The following RBFOX1 variants were observed in gnomAD, a reference collection of about 807,000 sequenced individuals.
RBFOX1 encodes the protein RNA binding fox-1 homolog 1.
Under a neutral mutation model 57.7 loss-of-function variants are expected in RBFOX1, and 8 were observed. The ratio of observed to expected loss-of-function variants is 0.14; its 90% CI spans 0.08 to 0.25. RBFOX1 has a LOEUF of 0.25. Ranked by LOEUF, RBFOX1 falls within the 10% of genes least tolerant of loss-of-function variation. RBFOX1 has a pLI of 1.00. For synonymous variants in RBFOX1, 326 were observed against 222.4 expected (o/e 1.47, Z -4.15); for missense variants, 611 against 548.5 (o/e 1.11, Z -1.14).
intron 4 of RBFOX1, among the ~76,000 whole-genome samples, chr16:7,253,810 T>A (rs2094575284): frequency 6.6e-6 from 1 of 152,166 alleles, no homozygotes; most frequent in Admixed American, 6.5e-5. Flanking sequence ...ATCTTTTCCT[T>A]GTGTCTCCAA....
chr16:6,320,331 G>A (rs1459547067), intron 2 of RBFOX1, among the ~76,000 whole-genome samples: 1 of 151,986 alleles, frequency 6.6e-6, no homozygotes, highest in African/African-American at 2.4e-5. Context: ...TCAGGCTTCA[G>A]CATTTCCTGA....
intron 2 of RBFOX1, among the ~76,000 whole-genome samples, chr16:6,545,466 G>A (rs1310977481): frequency 6.6e-6 from 1 of 152,028 alleles, no homozygotes; most frequent in Non-Finnish European, 1.5e-5. Flanking sequence ...TTCTGTTGCA[G>A]CCTTGGAGAC....
chr16:6,471,587 A>C (rs2153080856), intron 2 of RBFOX1, among the ~76,000 whole-genome samples: 1 of 152,186 alleles, frequency 6.6e-6, no homozygotes, highest in South Asian at 2.1e-4. Flanking sequence ...TGGAAAAAAA[A>C]AAAAAAAACC....
chr16:6,478,419 A>C (rs1309999761), intron 2 of RBFOX1, among the ~76,000 whole-genome samples: 5 of 13,804 alleles, frequency 3.6e-4, no homozygotes, highest in Non-Finnish European at 6.7e-4. Flanking sequence ...ATATATATAT[A>C]TATATATATA....
chr16:6,565,804 T>C (rs2345086), intron 2 of RBFOX1, among the ~76,000 whole-genome samples: 91,252 of 152,100 alleles, frequency 0.6, 27,529 homozygotes, highest in South Asian at 0.73. Flanking sequence ...GCTCACCTGA[T>C]GAAAAAAAGA....
intron 3 of RBFOX1, among the ~76,000 whole-genome samples, chr16:5,856,270 TATACACATATATATACACACAC>T (rs2057051266): frequency 8.0e-5 from 3 of 37,646 alleles, no homozygotes; most frequent in Non-Finnish European, 1.6e-4. Context: ...TGTATATATA[TATACACATATATATACACACAC>T]ACACACACAC....
intron 3 of RBFOX1, among the ~76,000 whole-genome samples, chr16:6,947,352 C>G (rs62017751): frequency 0.16 from 23,633 of 152,156 alleles, 2,187 homozygotes; most frequent in Non-Finnish European, 0.2. Context: ...TATGAAGACA[C>G]CTGGGTGCCT....
At chr16:7,230,071 AGGGAGGGAGGGGAAGGAAAG>A (rs1280842398) in intron 4 of RBFOX1, among the ~76,000 whole-genome samples, 1 of 124,978 alleles carries the variant, frequency 8.0e-6, no homozygotes, top group East Asian at 2.7e-4. Flanking sequence ...AGAGGAAGGA[AGGGAGGGAGGGGAAGGAAAG>A]GGGAGGGAAA....
chr16:7,563,320 A>G (rs1244856994), intron 5 of RBFOX1, among the ~76,000 whole-genome samples: 1 of 152,176 alleles, frequency 6.6e-6, no homozygotes, highest in African/African-American at 2.4e-5. Flanking sequence ...TATTTTCTAG[A>G]TAAAGGTAAT....
At chr16:6,922,941 C>T (rs1597327793) in intron 3 of RBFOX1, among the ~76,000 whole-genome samples, 1 of 152,162 alleles carries the variant, frequency 6.6e-6, no homozygotes, top group East Asian at 1.9e-4. Flanking sequence ...TTGATAATGA[C>T]CAACCAGAAC....
chr16:6,036,531 TCTC>T (rs1312733753), intron 1 of RBFOX1, among the ~76,000 whole-genome samples: 2 of 152,184 alleles, frequency 1.3e-5, no homozygotes, highest in African/African-American at 4.8e-5. Flanking sequence ...TTTTAAGTCA[TCTC>T]CTGTTTCTGA....
intron 2 of RBFOX1, among the ~76,000 whole-genome samples, chr16:6,508,788 A>C (rs975551491): frequency 6.6e-6 from 1 of 152,152 alleles, no homozygotes; most frequent in Non-Finnish European, 1.5e-5. Flanking sequence ...TTAGAGAAGA[A>C]ATTTGCCATT....
intron 3 of RBFOX1, among the ~76,000 whole-genome samples, chr16:6,907,307 G>A (rs762844665): frequency 2.0e-5 from 3 of 152,138 alleles, no homozygotes; most frequent in Non-Finnish European, 4.4e-5. Context: ...GCCTCCTTCA[G>A]TATTCCCAGT....
At chr16:6,636,143 C>T (rs2098430289) in intron 2 of RBFOX1, among the ~76,000 whole-genome samples, 1 of 152,116 alleles carries the variant, frequency 6.6e-6, no homozygotes, top group Non-Finnish European at 1.5e-5. Flanking sequence ...AGCAGTCAGA[C>T]AGTTTTGGAT....
At chr16:7,505,351 G>A (rs12598763) in intron 4 of RBFOX1, among the ~76,000 whole-genome samples, 43 of 152,120 alleles carry the variant, frequency 2.8e-4, no homozygotes, top group African/African-American at 8.9e-4. Flanking sequence ...TTTGACAGAG[G>A]TTTTCAGTGG....
At chr16:5,318,015 G>A (rs12921443) in intron 1 of RBFOX1, among the ~76,000 whole-genome samples, 18,061 of 152,234 alleles carry the variant, frequency 0.12, 1,368 homozygotes, top group Non-Finnish European at 0.17. Flanking sequence ...GAATGCAGGT[G>A]CAGGAAGGGA....
At chr16:7,093,032 T>G (rs2061121194) in intron 4 of RBFOX1, among the ~76,000 whole-genome samples, 1 of 152,202 alleles carries the variant, frequency 6.6e-6, no homozygotes, top group Non-Finnish European at 1.5e-5. Flanking sequence ...GAGAGAAATT[T>G]TCGTTTTTTA....
intron 2 of RBFOX1, among the ~76,000 whole-genome samples, chr16:5,497,356 A>G (rs1268098793): frequency 1.3e-5 from 2 of 151,826 alleles, no homozygotes; most frequent in Non-Finnish European, 2.9e-5. Flanking sequence ...CTCAGCATTC[A>G]AGGCCTCACA....
At chr16:7,285,214 A>G (rs1468603324) in intron 4 of RBFOX1, among the ~76,000 whole-genome samples, 1 of 150,772 alleles carries the variant, frequency 6.6e-6, no homozygotes, top group African/African-American at 2.4e-5. Flanking sequence ...GCAGATTCAC[A>G]TGCAGCTGTA....
Sources: gnomAD v4.1 joint callset for allele counts (sites outside exome capture counted in the v4.1 genomes callset) on GRCh38, gnomAD v4.1.1 for gene constraint, MANE v1.5 for transcripts, NCBI Gene and HGNC (gene_info 2026-07-23, HGNC 2026-07-21) for gene names.